Variants in ARSB observed in about 807,000 individuals in gnomAD.
ARSB encodes the protein N-acetylgalactosamine-4-sulfatase.
ARSB carries 41 observed loss-of-function variants against 50.9 expected under a neutral mutation model. The observed-to-expected ratio is 0.81, with a 90% CI of 0.63 to 1.04. The LOEUF (loss-of-function observed/expected upper bound fraction) is 1.04. Ranked by LOEUF, ARSB falls within the 50% of genes least tolerant of loss-of-function variation. The pLI is 0.00. For synonymous variants in ARSB, 269 were observed against 284.8 expected (o/e 0.94, Z 0.56); for missense variants, 672 against 693.3 (o/e 0.97, Z 0.35).
At chr5:78,831,353 C>T (rs1414333904) in intron 6 of ARSB, among the ~76,000 whole-genome samples, 2 of 151,996 alleles carry the variant, frequency 1.3e-5, no homozygotes, top group East Asian at 3.9e-4. Context: ...CAGCACCCTC[C>T]AGTGGAGTGA....
At chr5:78,985,354 G>A, upstream of ARSB, 1 of 1,114,994 alleles carries the variant, frequency 9.0e-7, no homozygotes, top group Non-Finnish European at 1.1e-6. Flanking sequence ...GGCGCGGGAC[G>A]GCACCCCCAG....
At chr5:78,950,159 C>T (rs1028845154) in intron 4 of ARSB, among the ~76,000 whole-genome samples, 8 of 152,180 alleles carry the variant, frequency 5.3e-5, no homozygotes, top group Admixed American at 4.6e-4. Context: ...ACAATGGTGT[C>T]TTCCTAACAG....
At chr5:78,974,648 A>T (rs1318857039) in intron 1 of ARSB, among the ~76,000 whole-genome samples, 3 of 152,254 alleles carry the variant, frequency 2.0e-5, no homozygotes, top group Non-Finnish European at 4.4e-5. Flanking sequence ...TCCACTGGTC[A>T]TATTCCACTT....
chr5:78,951,543 A>ATCAGGGAT (rs1361324879), intron 4 of ARSB, among the ~76,000 whole-genome samples: 1 of 152,326 alleles, frequency 6.6e-6, no homozygotes, highest in East Asian at 1.9e-4. Flanking sequence ...GAAAAGCTGA[A>ATCAGGGAT]TCAGGGATTC....
chr5:78,913,346 G>A (rs1190507001), intron 4 of ARSB, among the ~76,000 whole-genome samples: 1 of 152,010 alleles, frequency 6.6e-6, no homozygotes, highest in Non-Finnish European at 1.5e-5. Flanking sequence ...GGATGGTCTC[G>A]ATCTCCTGAC....
intron 6 of ARSB, among the ~76,000 whole-genome samples, chr5:78,806,304 T>C (rs147058517): frequency 1.3e-5 from 2 of 152,324 alleles, no homozygotes; most frequent in East Asian, 1.9e-4. Context: ...AAGGATGTCA[T>C]AGGCTGTTAA....
chr5:78,968,873 G>T (rs1752323632), intron 2 of ARSB, 133 bp downstream of exon 2: 1 of 1,009,130 alleles, frequency 9.9e-7, no homozygotes, highest in Non-Finnish European at 1.5e-6. Flanking sequence ...TTAGAAAGCA[G>T]CCCCATTACA....
chr5:78,974,684 C>T (rs1037973069), intron 1 of ARSB, among the ~76,000 whole-genome samples: 1 of 152,192 alleles, frequency 6.6e-6, no homozygotes, highest in African/African-American at 2.4e-5. Flanking sequence ...TCCTTATTTC[C>T]TCATTTGCAA....
intron 5 of ARSB, among the ~76,000 whole-genome samples, chr5:78,848,826 A>G (rs1161054895): frequency 6.6e-6 from 1 of 152,158 alleles, no homozygotes; most frequent in East Asian, 1.9e-4. Context: ...GCCAGTAATG[A>G]TGAGCATTTT....
intron 6 of ARSB, among the ~76,000 whole-genome samples, chr5:78,808,087 C>A (rs1277753608): frequency 1.2e-5 from 1 of 86,588 alleles, no homozygotes; most frequent in African/African-American, 6.3e-5. Context: ...AGCGAGACTC[C>A]GTCTCAAAAA....
intron 4 of ARSB, among the ~76,000 whole-genome samples, chr5:78,936,931 T>C (rs1750632693): frequency 6.6e-6 from 1 of 152,188 alleles, no homozygotes; most frequent in Admixed American, 6.5e-5. Flanking sequence ...AAATGCATTT[T>C]TTTAGCAGCT....
chr5:78,814,739 T>C (rs13177084), intron 6 of ARSB, among the ~76,000 whole-genome samples: 23,029 of 150,744 alleles, frequency 0.15, 2,772 homozygotes, highest in Admixed American at 0.26. Context: ...CTATGGATTA[T>C]ATGCTTTCCA....
chr5:78,832,021 A>G (rs1744717270), intron 6 of ARSB, among the ~76,000 whole-genome samples: 1 of 152,174 alleles, frequency 6.6e-6, no homozygotes, highest in African/African-American at 2.4e-5. Context: ...AATCTCTTAT[A>G]CATAAGACAC....
chr5:78,941,381 T>C (rs1264249150), intron 4 of ARSB, among the ~76,000 whole-genome samples: 1 of 151,934 alleles, frequency 6.6e-6, no homozygotes, highest in African/African-American at 2.4e-5. Context: ...AAGGGAATGC[T>C]TTCAGTTTCT....
intron 4 of ARSB, among the ~76,000 whole-genome samples, chr5:78,886,968 T>C (rs1432637109): frequency 6.6e-6 from 1 of 152,174 alleles, no homozygotes; most frequent in Non-Finnish European, 1.5e-5. Context: ...GCATTATCTC[T>C]CACAGAATCT....
chr5:78,838,429 T>G (rs1745042249), intron 6 of ARSB, among the ~76,000 whole-genome samples: 1 of 152,038 alleles, frequency 6.6e-6, no homozygotes, highest in South Asian at 2.1e-4. Context: ...GGGGCCCGAG[T>G]GCCTGGTGAC....
chr5:78,938,110 C>T (rs538375263), intron 4 of ARSB, among the ~76,000 whole-genome samples: 89 of 152,278 alleles, frequency 5.8e-4, no homozygotes, highest in African/African-American at 2.0e-3. Flanking sequence ...GGAAGCAACA[C>T]GAGTACCCAA....
intron 4 of ARSB, among the ~76,000 whole-genome samples, chr5:78,900,766 G>A (rs1018215681): frequency 5.9e-5 from 9 of 152,210 alleles, no homozygotes; most frequent in Admixed American, 2.0e-4. Context: ...ATGGGCGGGC[G>A]CAGTAGCTCA....
chr5:78,957,928 C>T (rs1159613153), intron 3 of ARSB, among the ~76,000 whole-genome samples: 1 of 149,326 alleles, frequency 6.7e-6, no homozygotes, highest in Non-Finnish European at 1.5e-5. Context: ...GATTAAAAAT[C>T]GGAAGTCTAC....
Sources: allele counts gnomAD v4.1 joint callset (sites outside exome capture counted in the v4.1 genomes callset), GRCh38; gene constraint gnomAD v4.1.1; transcripts MANE v1.5; gene names NCBI Gene and HGNC (gene_info 2026-07-23, HGNC 2026-07-21).